The following DNER variants were observed in gnomAD, a reference collection of about 807,000 sequenced individuals.
DNER encodes delta and Notch-like epidermal growth factor-related receptor.
Under a neutral mutation model 78.2 loss-of-function variants are expected in DNER, and 33 were observed. The observed-to-expected ratio is 0.42, with a 90% confidence interval of 0.32 to 0.56. The LOEUF is 0.56. Among genes scored for constraint, DNER ranks in the 20% least tolerant of loss-of-function variants. DNER has a pLI of 0.11. For synonymous variants in DNER, 417 were observed against 384.8 expected (o/e 1.08, Z -0.98); for missense variants, 918 against 975.3 (o/e 0.94, Z 0.78).
chr2:229,534,750 T>C (rs569251965), intron 5 of DNER, among the ~76,000 whole-genome samples: 2 of 152,390 alleles, frequency 1.3e-5, no homozygotes, highest in Admixed American at 6.5e-5. Flanking sequence ...TTTAGAACTA[T>C]AATTATTGTT....
At chr2:229,381,971 G>C (rs1030240820) in intron 11 of DNER, among the ~76,000 whole-genome samples, 1 of 152,190 alleles carries the variant, frequency 6.6e-6, no homozygotes, top group African/African-American at 2.4e-5. Context: ...TCCTGACAGA[G>C]AGACACCTCC....
rs527446632 is a variant in DNER at position 229,431,215 on chromosome 2, A to G, written c.1487-12985T>C. Among the ~76,000 whole-genome samples the G allele has an allele frequency of 2.2e-4, 33 of 152,312 alleles. No individual in the cohort carries two copies. In the South Asian group the frequency reaches 6.6e-3, roughly 31 times the overall value. ...TGGAGTTATCTCCTTAAAAATGAGC[A>G]TTCTCCCTCAAAAACATTTAAGAAA... On this transcript the variant is annotated intron_variant, in intron 8 of 12. Coordinates refer to ENST00000341772, the MANE Select transcript of DNER (RefSeq NM_139072.4).
intron 8 of DNER, among the ~76,000 whole-genome samples, chr2:229,442,181 G>A (rs1172293751): frequency 6.6e-6 from 1 of 152,134 alleles, no homozygotes; most frequent in Admixed American, 6.6e-5. Flanking sequence ...AGAATAGTGT[G>A]ATATGCAGAT....
rs192968740 is a variant in DNER at position 229,677,348 on chromosome 2, G to A, written c.276+36800C>T. 2.8e-4 allele frequency among the ~76,000 whole-genome samples: 43 copies of A among 152,212 alleles called. 1 individual carries two copies. The South Asian group carries it at 8.5e-3, about 30-fold the overall frequency. ...TGTCTTCCCACCATATCATGAGCTC[G>A]ATCACTCTGGACAAGGAAACCTGAG... On this transcript the variant is annotated intron_variant, in intron 1 of 12. Transcript: ENST00000341772.
intron 6 of DNER, among the ~76,000 whole-genome samples, chr2:229,482,709 G>A (rs1695191385): frequency 6.6e-6 from 1 of 152,176 alleles, no homozygotes; most frequent in Non-Finnish European, 1.5e-5. Flanking sequence ...GTCCTGAGAT[G>A]GAGAAATTAC....
intron 1 of DNER, among the ~76,000 whole-genome samples, chr2:229,695,404 A>C (rs1331576865): frequency 1.3e-5 from 2 of 151,086 alleles, no homozygotes; most frequent in African/African-American, 4.9e-5. Flanking sequence ...CTGAATGTCC[A>C]TAAGAATATA....
chr2:229,443,568 A>T (rs10933296), intron 8 of DNER, among the ~76,000 whole-genome samples: 152,374 of 152,386 alleles, frequency 1, 76,181 homozygotes, highest in Non-Finnish European at 1. Flanking sequence ...CCTAGCCCGA[A>T]AAGCTACAAA....
chr2:229,542,954 A>T (rs1021036413), intron 5 of DNER, among the ~76,000 whole-genome samples: 1 of 152,092 alleles, frequency 6.6e-6, no homozygotes. Flanking sequence ...GGGTAATAAT[A>T]ATGGCTCAGA....
At chr2:229,401,104 T>C (rs1242115772) in intron 10 of DNER, among the ~76,000 whole-genome samples, 1 of 152,016 alleles carries the variant, frequency 6.6e-6, no homozygotes, top group Non-Finnish European at 1.5e-5. Flanking sequence ...TTAGGGGAAT[T>C]CAAACTGAAA....
chr2:229,376,407 T>A (rs1692602472), intron 11 of DNER, among the ~76,000 whole-genome samples: 2 of 152,190 alleles, frequency 1.3e-5, no homozygotes, highest in Non-Finnish European at 2.9e-5. Flanking sequence ...GCTCTCAGAC[T>A]TCTCAGCCTC....
In DNER at chr2:229,428,645, T is replaced by C. The variant is rs1377358645; in HGVS notation, c.1487-10415A>G. ...TAATTGAACAAAAAGAATTGACAGG[T>C]TCTCCCAGAAAAACGGAAGTGATTT... is the stretch of plus-strand genomic sequence containing the variant. On this transcript the variant is annotated intron_variant, in intron 8 of 12. Coordinates refer to ENST00000341772, the MANE Select transcript of DNER (RefSeq NM_139072.4). Among the ~76,000 whole-genome samples, 47 of 150,878 alleles carry C rather than the reference T, an allele frequency of 3.1e-4. No homozygotes were observed. In the Admixed American group the frequency reaches 3.1e-3, roughly 10 times the overall value.
intron 4 of DNER, among the ~76,000 whole-genome samples, chr2:229,573,047 C>G (rs1297950964): frequency 6.6e-6 from 1 of 152,050 alleles, no homozygotes; most frequent in Non-Finnish European, 1.5e-5. Context: ...AACAAGGATG[C>G]AGATAAATGA....
At chr2:229,537,845 G>A (rs1401484265) in intron 5 of DNER, among the ~76,000 whole-genome samples, 5 of 151,952 alleles carry the variant, frequency 3.3e-5, no homozygotes. Flanking sequence ...ACAGGCTGGT[G>A]GGCTGCACCC....
chr2:229,480,145 T>C (rs1410494005), intron 6 of DNER, among the ~76,000 whole-genome samples: 2 of 152,240 alleles, frequency 1.3e-5, no homozygotes, highest in Non-Finnish European at 2.9e-5. Context: ...CTTTTTACTT[T>C]TTATCCAAGG....
chr2:229,370,681 T>A (rs971375325), intron 11 of DNER, among the ~76,000 whole-genome samples: 6 of 152,262 alleles, frequency 3.9e-5, no homozygotes, highest in South Asian at 2.1e-4. Flanking sequence ...CTCTAAAAAA[T>A]TCAGTTGCAG....
chr2:229,457,995 G>A (rs1414108814), intron 7 of DNER, among the ~76,000 whole-genome samples: 1 of 151,358 alleles, frequency 6.6e-6, no homozygotes, highest in Non-Finnish European at 1.5e-5. Flanking sequence ...AATTAGTCAG[G>A]TGTGGTGGTG....
chr2:229,446,870 C>T lies in DNER; in HGVS notation c.1486+446G>A, dbSNP rs1460097798. Among the ~76,000 whole-genome samples the T allele has an allele frequency of 2.0e-5, 3 of 152,110 alleles. No individual in the cohort carries two copies. In the East Asian group the frequency reaches 5.8e-4, roughly 29 times the overall value. On this transcript the variant is annotated intron_variant, in intron 8 of 12. Transcript: ENST00000341772. ...TGACACAATTCTGAATGTATTGCAC[C>T]GTGCTTTTCATGCACGTTAAGATGA...
chr2:229,417,656 C>T (rs959437453), intron 9 of DNER, among the ~76,000 whole-genome samples: 14 of 151,962 alleles, frequency 9.2e-5, no homozygotes, highest in African/African-American at 1.5e-4. Context: ...CTGTCAATGT[C>T]GCCTGTTTTT....
chr2:229,368,801 C>T (rs1167688056), intron 11 of DNER, among the ~76,000 whole-genome samples: 1 of 152,178 alleles, frequency 6.6e-6, no homozygotes, highest in African/African-American at 2.4e-5. Flanking sequence ...TGATACAAGT[C>T]AGAATCTGAG....
Sources: gnomAD v4.1 joint callset for allele counts (sites outside exome capture counted in the v4.1 genomes callset) on GRCh38, gnomAD v4.1.1 for gene constraint, MANE v1.5 for transcripts, NCBI Gene and HGNC (gene_info 2026-07-23, HGNC 2026-07-21) for gene names.